Variants in AKAP7 observed in about 807,000 individuals in gnomAD.
AKAP7 encodes the protein A-kinase anchoring protein 7.
A neutral mutation model predicts 39.5 loss-of-function variants in AKAP7; 39 were observed. The ratio of observed to expected loss-of-function variants is 0.99; its 90% CI spans 0.76 to 1.29. The LOEUF (loss-of-function observed/expected upper bound fraction) is 1.29, where lower values mean the gene tolerates loss of function less well. AKAP7 is among the 50% of genes most tolerant of loss of function. AKAP7 has a pLI of 0.00. For missense variants in AKAP7, 414 were observed against 407.7 expected (o/e 1.02, Z -0.13); for synonymous variants, 140 against 139.1 (o/e 1.01, Z -0.05).
In AKAP7 at chr6:131,276,829, G is replaced by C. The variant is rs143678649; in HGVS notation, c.851-4701G>C. Among the ~76,000 whole-genome samples, 3 of 152,020 alleles carry C rather than the reference G, an allele frequency of 2.0e-5. No individual in the cohort carries two copies. The East Asian group carries it at 5.8e-4, about 29-fold the overall frequency. The stretch of plus-strand genomic sequence containing the variant: ...AATTAGCCTGATTTGTTCTTTTCAG[G>C]ACAAATAGGCACCTAGATACTGGCA... On this transcript the variant is annotated intron_variant, in intron 7 of 7. Transcript: ENST00000431975.
At chr6:131,231,344 A>G (rs917458701) in intron 7 of AKAP7, among the ~76,000 whole-genome samples, 1 of 152,106 alleles carries the variant, frequency 6.6e-6, no homozygotes, top group African/African-American at 2.4e-5. Flanking sequence ...TATGATAGGC[A>G]GGACCAAAAC....
chr6:131,216,791 T>C lies in AKAP7; in HGVS notation c.703-2870T>C, dbSNP rs1255177945. Reference sequence around the variant, plus strand: ...CACTTATACTGGATACAATTATAAATATGAAGCTCTTAAAAATATGCCTCC... The same window carrying C: ...CACTTATACTGGATACAATTATAAACATGAAGCTCTTAAAAATATGCCTCC... On this transcript the variant is annotated intron_variant, in intron 6 of 7. Transcript: ENST00000431975. Among the ~76,000 whole-genome samples, 6 of 152,298 alleles carry C rather than the reference T, an allele frequency of 3.9e-5. No homozygotes were observed. The East Asian group carries it at 1.2e-3, about 29-fold the overall frequency.
the AKAP7 span, among the ~76,000 whole-genome samples, chr6:131,125,862 C>A: frequency 9.5e-4 from 144 of 152,248 alleles, no homozygotes; most frequent in Non-Finnish European, 1.6e-3. Context: ...CTGCTTGTTT[C>A]CCCCTTTTCT....
chr6:131,172,086 A>G (rs897571361), intron 5 of AKAP7, among the ~76,000 whole-genome samples: 6 of 152,222 alleles, frequency 3.9e-5, no homozygotes, highest in Non-Finnish European at 2.9e-5. Context: ...AGAAAAACAA[A>G]TGATAGCTAG....
chr6:131,150,625 A>G lies in AKAP7; in HGVS notation c.151+5209A>G, dbSNP rs567898591. ...TTTTATTTTGTTAAAAAAATAAGAA[A>G]ATGAATAAAAATTGGAACAAGCCCA... On this transcript the variant is annotated intron_variant, in intron 2 of 7. Transcript: ENST00000431975. 1.1e-4 allele frequency among the ~76,000 whole-genome samples: 16 copies of G among 152,318 alleles called. No individual in the cohort carries two copies. The South Asian group carries it at 1.2e-3, about 12-fold the overall frequency.
At chr6:131,130,721 A>G (rs1800307871), upstream of AKAP7, among the ~76,000 whole-genome samples, 2 of 152,210 alleles carry the variant, frequency 1.3e-5, no homozygotes, top group South Asian at 4.1e-4. Flanking sequence ...AAGATTGGAC[A>G]AATGGAACTC....
chr6:131,253,659 CTTATTTATTTAT>C (rs56220549), intron 7 of AKAP7, among the ~76,000 whole-genome samples: 4,477 of 149,754 alleles, frequency 0.03, 219 homozygotes, highest in African/African-American at 0.1. Flanking sequence ...ATGAGATCTA[CTTATTTATTTAT>C]TTATTTATTT....
intron 5 of AKAP7, among the ~76,000 whole-genome samples, chr6:131,179,521 A>C (rs1804917011): frequency 6.6e-6 from 1 of 152,156 alleles, no homozygotes; most frequent in East Asian, 1.9e-4. Flanking sequence ...ATTAGGCTCC[A>C]CGAGGGCCAG....
At chr6:131,271,871 C>A (rs1814313073) in intron 7 of AKAP7, among the ~76,000 whole-genome samples, 1 of 152,130 alleles carries the variant, frequency 6.6e-6, no homozygotes, top group African/African-American at 2.4e-5. Flanking sequence ...TTGAAATATA[C>A]CTCTACCAAA....
At chr6:131,191,845 G>GT (rs34409067) in intron 5 of AKAP7, among the ~76,000 whole-genome samples, 21,893 of 135,298 alleles carry the variant, frequency 0.16, 2,049 homozygotes, top group Middle Eastern at 0.24. Flanking sequence ...TCCTCGTGGT[G>GT]TTTTTTTTTT....
intron 5 of AKAP7, chr6:131,185,090 T>G: frequency 1.5e-6 from 1 of 679,596 alleles, no homozygotes; most frequent in Non-Finnish European, 2.8e-6. Context: ...CTCGGGGATC[T>G]GGGGTACCTC....
intron 2 of AKAP7, among the ~76,000 whole-genome samples, chr6:131,158,034 G>A (rs994537872): frequency 6.6e-6 from 1 of 152,062 alleles, no homozygotes; most frequent in South Asian, 2.1e-4. Context: ...TTTTAAACAC[G>A]CTGTACTATT....
chr6:131,266,672 G>A (rs910397886), intron 7 of AKAP7, among the ~76,000 whole-genome samples: 1 of 151,210 alleles, frequency 6.6e-6, no homozygotes. Flanking sequence ...AGATCACCAA[G>A]CTGCAGGGGT....
intron 6 of AKAP7, among the ~76,000 whole-genome samples, chr6:131,214,095 C>T (rs1435294731): frequency 1.3e-5 from 2 of 152,104 alleles, no homozygotes; most frequent in East Asian, 1.9e-4. Flanking sequence ...GCTTTTGTGA[C>T]GTGACTTGTG....
intron 5 of AKAP7, among the ~76,000 whole-genome samples, chr6:131,196,267 C>CTTTT (rs199967369): frequency 1.5e-5 from 2 of 133,932 alleles, no homozygotes; most frequent in African/African-American, 2.8e-5. Context: ...ATGTCAGTTG[C>CTTTT]TTTTTTTTTT....
intron 7 of AKAP7, among the ~76,000 whole-genome samples, chr6:131,221,057 A>G (rs1486629565): frequency 6.6e-6 from 1 of 152,260 alleles, no homozygotes; most frequent in Non-Finnish European, 1.5e-5. Context: ...ATGTCGAAAG[A>G]TGAAATAATC....
At chr6:131,270,080 G>A (rs973991383) in intron 7 of AKAP7, among the ~76,000 whole-genome samples, 1 of 152,076 alleles carries the variant, frequency 6.6e-6, no homozygotes, top group Non-Finnish European at 1.5e-5. Flanking sequence ...TCCCAATATG[G>A]TTTGTTTTTC....
chr6:131,182,953 G>T (rs1345638396), intron 5 of AKAP7, among the ~76,000 whole-genome samples: 1 of 151,868 alleles, frequency 6.6e-6, no homozygotes, highest in African/African-American at 2.4e-5. Context: ...TTACATATTG[G>T]AGTTCAACAA....
intron 7 of AKAP7, among the ~76,000 whole-genome samples, chr6:131,270,316 T>C (rs947640802): frequency 6.6e-6 from 1 of 152,198 alleles, no homozygotes; most frequent in Non-Finnish European, 1.5e-5. Flanking sequence ...ATAAATGAAA[T>C]CATACAGTAT....
Sources: gnomAD v4.1 joint callset for allele counts (sites outside exome capture counted in the v4.1 genomes callset) on GRCh38, gnomAD v4.1.1 for gene constraint, MANE v1.5 for transcripts, NCBI Gene and HGNC (gene_info 2026-07-23, HGNC 2026-07-21) for gene names.